Variants in NECTIN2 observed in about 807,000 individuals in gnomAD.
NECTIN2 encodes the protein nectin cell adhesion molecule 2.
Under a neutral mutation model 56.9 loss-of-function variants are expected in NECTIN2, and 23 were observed. The ratio of observed to expected loss-of-function variants is 0.40; its 90% CI spans 0.29 to 0.57. The LOEUF is 0.57. NECTIN2 is among the 20% of genes least tolerant of loss of function. The probability of loss-of-function intolerance (pLI) is 0.38; values close to 1 mark genes in which losing one functional copy is unlikely to be tolerated. For synonymous variants in NECTIN2, 302 were observed against 313.8 expected (o/e 0.96, Z 0.40); for missense variants, 587 against 718.3 (o/e 0.82, Z 2.09).
chr19:44,880,072 T>C (rs1290011263), intron 5 of NECTIN2, among the ~76,000 whole-genome samples: 5 of 152,182 alleles, frequency 3.3e-5, no homozygotes, highest in Non-Finnish European at 5.9e-5. Context: ...CAGTCCAGCG[T>C]CCTCTGGAAG....
chr19:44,878,038 T>TC (rs1344031227), intron 5 of NECTIN2, among the ~76,000 whole-genome samples: 16 of 149,628 alleles, frequency 1.1e-4, no homozygotes, highest in African/African-American at 3.7e-4. Context: ...GGCTTCTGCT[T>TC]CCCCACCCCC....
At chr19:44,863,069 G>A (rs913923452) in intron 1 of NECTIN2, among the ~76,000 whole-genome samples, 25 of 151,862 alleles carry the variant, frequency 1.6e-4, no homozygotes, top group African/African-American at 5.1e-4. Flanking sequence ...GGCTGAGGCA[G>A]GAGAATTGCT....
intron 5 of NECTIN2, among the ~76,000 whole-genome samples, chr19:44,876,295 C>T (rs375034055): frequency 7.4e-6 from 1 of 134,712 alleles, no homozygotes; most frequent in East Asian, 3.4e-4. Flanking sequence ...ACACCCCTAA[C>T]CTCTACCCCA....
Position 44,860,291 on chromosome 19 carries a change from G to A in NECTIN2, c.89-4980G>A, listed in dbSNP as rs773952509. Among the ~76,000 whole-genome samples the A allele has an allele frequency of 7.9e-5, 12 of 152,178 alleles. No individual in the cohort carries two copies. The South Asian group carries it at 1.4e-3, about 18-fold the overall frequency. On this transcript the variant is annotated intron_variant, in intron 1 of 8. Transcript: ENST00000252483. The stretch of plus-strand genomic sequence containing the variant: ...CGTAATCCGAACACTTTGGGAGGCC[G>A]AGGCAGGTGGATCGCTTGAGCTCAG...
intron 1 of NECTIN2, among the ~76,000 whole-genome samples, chr19:44,848,489 A>G (rs1871047): frequency 0.32 from 47,941 of 151,828 alleles, 8,559 homozygotes; most frequent in South Asian, 0.4. Flanking sequence ...TCGTAAAAAA[A>G]CTGAGATAAC....
At chr19:44,884,978 T>TTTTTC (rs554317321) in intron 6 of NECTIN2, among the ~76,000 whole-genome samples, 8 of 152,140 alleles carry the variant, frequency 5.3e-5, no homozygotes, top group Non-Finnish European at 1.0e-4. Flanking sequence ...ATCTTTCTTT[T>TTTTTC]TTTTCTTTTC....
intron 1 of NECTIN2, among the ~76,000 whole-genome samples, chr19:44,847,282 G>A (rs1968846788): frequency 6.6e-6 from 1 of 152,178 alleles, no homozygotes; most frequent in South Asian, 2.1e-4. Context: ...CGGGGGCTCC[G>A]TCTTCAGGGT....
intron 6 of NECTIN2, among the ~76,000 whole-genome samples, chr19:44,883,271 T>G (rs1436429333): frequency 6.6e-6 from 1 of 152,066 alleles, no homozygotes; most frequent in Non-Finnish European, 1.5e-5. Flanking sequence ...CCCAGCACTT[T>G]GTTTTGTTTT....
At chr19:44,879,633 G>C (rs960926910) in intron 5 of NECTIN2, among the ~76,000 whole-genome samples, 1 of 152,042 alleles carries the variant, frequency 6.6e-6, no homozygotes, top group Non-Finnish European at 1.5e-5. Context: ...AAGCAAAGAC[G>C]GGGGGAGGGG....
chr19:44,874,301 C>T lies in NECTIN2; in HGVS notation c.894-29C>T. 2 of 1,610,194 alleles carry T rather than the reference C, an allele frequency of 1.2e-6. No homozygotes were observed. The highest frequency in any genetic ancestry group is 2.2e-5 in the East Asian group (1 of 44,852). On this transcript the variant is annotated intron_variant, in intron 4 of 8. Coordinates refer to ENST00000252483, the MANE Select transcript of NECTIN2 (RefSeq NM_001042724.2). This position sits in a 1 kb window ranked among gnomAD's most constrained non-coding sequence, Gnocchi z 6.3. ...TGTGCTCCCCTCTCGACCTTGGTATCCCTCTCACCTGACCCCACACCCCTC... is the reference window on the plus strand; with the variant it reads ...TGTGCTCCCCTCTCGACCTTGGTATTCCTCTCACCTGACCCCACACCCCTC...
chr19:44,869,592 C>CA (rs774822564), intron 2 of NECTIN2, among the ~76,000 whole-genome samples: 7,595 of 53,110 alleles, frequency 0.14, 684 homozygotes, highest in African/African-American at 0.19. Context: ...GACTCCATCT[C>CA]AAAAAAAAAA....
rs1259403770 is a variant in NECTIN2 at position 44,862,563 on chromosome 19, TGG to T, written c.89-2707_89-2706del. Among the ~76,000 whole-genome samples, 3 of 151,642 alleles carry T rather than the reference TGG, an allele frequency of 2.0e-5. No individual in the cohort carries two copies. In the East Asian group the frequency reaches 5.8e-4, roughly 29 times the overall value. ...ATCATGTCTTTTGCACCAACACGGA[TGG>T]AACTGGAGGCCATTATCCTGAGTAA... On this transcript the variant is annotated intron_variant, in intron 1 of 8. Coordinates refer to ENST00000252483, the MANE Select transcript of NECTIN2 (RefSeq NM_001042724.2).
chr19:44,852,503 C>T (rs147590867), intron 1 of NECTIN2, among the ~76,000 whole-genome samples: 17 of 145,500 alleles, frequency 1.2e-4, no homozygotes, highest in African/African-American at 3.3e-4. Context: ...GGCAGGAGCC[C>T]GAGACAGAGC....
At chr19:44,847,833 G>A (rs2122617943) in intron 1 of NECTIN2, among the ~76,000 whole-genome samples, 1 of 152,220 alleles carries the variant, frequency 6.6e-6, no homozygotes, top group South Asian at 2.1e-4. Context: ...TGGACGAGTG[G>A]AGCCGCCGCC....
At chr19:44,852,458 C>G (rs1599906985) in intron 1 of NECTIN2, among the ~76,000 whole-genome samples, 1 of 149,474 alleles carries the variant, frequency 6.7e-6, no homozygotes, top group East Asian at 1.9e-4. Context: ...GACATGGTAG[C>G]CACCACCTGT....
intron 5 of NECTIN2, 45 bp from the exon 6 acceptor site, chr19:44,882,166 T>G: frequency 7.3e-7 from 1 of 1,369,870 alleles, no homozygotes; most frequent in Non-Finnish European, 9.5e-7. Context: ...TAAGGAGCTG[T>G]GGCTTCCTCC....
intron 6 of NECTIN2, among the ~76,000 whole-genome samples, chr19:44,883,992 G>T (rs562071613): frequency 5.3e-5 from 8 of 151,964 alleles, no homozygotes; most frequent in Admixed American, 5.3e-4. Flanking sequence ...GGTAGCCCAT[G>T]CCTGTAGTCC....
At chr19:44,878,124 T>A in intron 5 of NECTIN2, 1 of 470,742 alleles carries the variant, frequency 2.1e-6, no homozygotes, top group Non-Finnish European at 4.0e-6. Context: ...CATCCCCGCC[T>A]ATCCTGCATC....
At chr19:44,883,203 A>G (rs76725281) in intron 6 of NECTIN2, among the ~76,000 whole-genome samples, 2,384 of 149,782 alleles carry the variant, frequency 0.016, 77 homozygotes, top group Admixed American at 0.092. Context: ...AAACCTGAAG[A>G]TAAAGAGTAA....
Sources: allele counts gnomAD v4.1 joint callset (sites outside exome capture counted in the v4.1 genomes callset), GRCh38; gene constraint gnomAD v4.1.1; non-coding constraint Gnocchi (gnomAD v3.1); transcripts MANE v1.5; gene names NCBI Gene and HGNC (gene_info 2026-07-23, HGNC 2026-07-21).